The following RBFOX2 variants were observed in gnomAD, a reference collection of about 807,000 sequenced individuals.
RBFOX2 encodes the protein RNA binding protein fox-1 homolog 2.
RBFOX2 carries 10 observed loss-of-function variants against 49.1 expected under a neutral mutation model. The observed-to-expected ratio is 0.20, with a 90% CI of 0.13 to 0.35. The LOEUF is 0.35. Among genes scored for constraint, RBFOX2 ranks in the 10% least tolerant of loss-of-function variants. The probability of loss-of-function intolerance (pLI) is 1.00; values close to 1 mark genes in which losing one functional copy is unlikely to be tolerated. For missense variants in RBFOX2, 323 were observed against 486.9 expected (o/e 0.66, Z 3.17); for synonymous variants, 183 against 187.4 (o/e 0.98, Z 0.19).
At chr22:35,910,246 A>G (rs1421082934) in intron 1 of RBFOX2, among the ~76,000 whole-genome samples, 1 of 152,194 alleles carries the variant, frequency 6.6e-6, no homozygotes. Context: ...GTGTTATTCA[A>G]TTCATTATAT....
intron 9 of RBFOX2, among the ~76,000 whole-genome samples, chr22:35,758,636 C>T (rs1256477809): frequency 6.6e-6 from 1 of 152,158 alleles, no homozygotes; most frequent in East Asian, 1.9e-4. Context: ...TAAGTAATGG[C>T]ATAAGATGGA....
At chr22:35,861,746 ACACAC>A (rs1468327731) in intron 1 of RBFOX2, among the ~76,000 whole-genome samples, 5 of 152,214 alleles carry the variant, frequency 3.3e-5, no homozygotes, top group Non-Finnish European at 7.3e-5. Flanking sequence ...AAATTCAAAC[ACACAC>A]CTACCATATG....
At chr22:35,990,398 A>G (rs751854769) in intron 1 of RBFOX2, among the ~76,000 whole-genome samples, 1 of 152,342 alleles carries the variant, frequency 6.6e-6, no homozygotes, top group African/African-American at 2.4e-5. Flanking sequence ...GGGAGCAAAG[A>G]CAGGGGAGTT....
At chr22:35,770,416 C>G (rs1450389786) in intron 4 of RBFOX2, among the ~76,000 whole-genome samples, 1 of 152,062 alleles carries the variant, frequency 6.6e-6, no homozygotes, top group Non-Finnish European at 1.5e-5. Context: ...ATGACTATAT[C>G]TACACACCCA....
chr22:36,028,553 T>A (rs967172840), exon 1 of RBFOX2: 8 of 861,864 alleles, frequency 9.3e-6, no homozygotes, highest in Non-Finnish European at 1.1e-5. Flanking sequence ...CGTGCGTGCG[T>A]GCGCGCGAGC....
chr22:35,866,368 ATATTT>A (rs544858843), intron 1 of RBFOX2, among the ~76,000 whole-genome samples: 10 of 152,204 alleles, frequency 6.6e-5, no homozygotes, highest in Non-Finnish European at 1.3e-4. Context: ...AAACTCATTT[ATATTT>A]ATTAATTTCA....
At chr22:36,006,788 C>T (rs181775733) in intron 1 of RBFOX2, among the ~76,000 whole-genome samples, 3 of 152,322 alleles carry the variant, frequency 2.0e-5, no homozygotes, top group African/African-American at 7.2e-5. Flanking sequence ...TACGCAGCAA[C>T]AGCTTCTGCA....
At chr22:35,904,749 C>T (rs2048944056) in intron 1 of RBFOX2, among the ~76,000 whole-genome samples, 1 of 152,188 alleles carries the variant, frequency 6.6e-6, no homozygotes, top group African/African-American at 2.4e-5. Context: ...AAGCTCTCCT[C>T]TAATCAAGCT....
At chr22:35,892,963 G>A (rs771854635) in intron 1 of RBFOX2, among the ~76,000 whole-genome samples, 20 of 152,160 alleles carry the variant, frequency 1.3e-4, no homozygotes, top group Admixed American at 3.3e-4. Context: ...GACCACCAAG[G>A]CTTCCTTCTA....
At chr22:36,015,820 T>C (rs1341496897) in intron 1 of RBFOX2, among the ~76,000 whole-genome samples, 1 of 152,024 alleles carries the variant, frequency 6.6e-6, no homozygotes, top group Non-Finnish European at 1.5e-5. Flanking sequence ...TTACTTACCC[T>C]CCCAAGAATT....
At chr22:35,931,653 C>T (rs897996773) in intron 1 of RBFOX2, among the ~76,000 whole-genome samples, 3 of 152,122 alleles carry the variant, frequency 2.0e-5, no homozygotes, top group East Asian at 1.9e-4. Context: ...TGCACACCTG[C>T]GGTCCCAGCT....
At chr22:36,009,698 C>T (rs2146350956) in intron 1 of RBFOX2, among the ~76,000 whole-genome samples, 1 of 152,166 alleles carries the variant, frequency 6.6e-6, no homozygotes, top group South Asian at 2.1e-4. Flanking sequence ...CAGAAAGGGC[C>T]CTCTTAACCA....
chr22:35,967,142 G>A (rs1051459096), intron 1 of RBFOX2, among the ~76,000 whole-genome samples: 2 of 152,148 alleles, frequency 1.3e-5, no homozygotes, highest in Admixed American at 6.5e-5. Context: ...TCTTAATGGC[G>A]TCTTTTAATG....
At chr22:35,769,008 T>C (rs759582286) in intron 4 of RBFOX2, among the ~76,000 whole-genome samples, 1 of 152,196 alleles carries the variant, frequency 6.6e-6, no homozygotes, top group Non-Finnish European at 1.5e-5. Flanking sequence ...CAAATAAAAA[T>C]ATCACTAAGC....
intron 4 of RBFOX2, among the ~76,000 whole-genome samples, chr22:35,771,117 T>C (rs1313987982): frequency 6.6e-6 from 1 of 152,162 alleles, no homozygotes; most frequent in Non-Finnish European, 1.5e-5. Context: ...CACATCCTAA[T>C]CCCCAGAGCC....
intron 1 of RBFOX2, chr22:35,961,534 AC>A (rs745397327): frequency 2.3e-6 from 3 of 1,300,612 alleles, no homozygotes; most frequent in Middle Eastern, 2.1e-4. Flanking sequence ...CCACTCCACC[AC>A]CCCCCACACA....
chr22:35,740,141 A>G (rs544025544), exon 12 of RBFOX2: 23 of 152,272 alleles, frequency 1.5e-4, no homozygotes, highest in African/African-American at 5.3e-4. Flanking sequence ...GGTGCCAGGG[A>G]CTCTATTACA....
At chr22:35,767,923 G>C (rs1160013273) in intron 5 of RBFOX2, among the ~76,000 whole-genome samples, 1 of 152,098 alleles carries the variant, frequency 6.6e-6, no homozygotes, top group Admixed American at 6.5e-5. Flanking sequence ...CAGGAATTCA[G>C]AGTATTGCAA....
intron 1 of RBFOX2, among the ~76,000 whole-genome samples, chr22:36,013,912 A>G (rs1471242571): frequency 1.3e-5 from 2 of 152,142 alleles, no homozygotes; most frequent in African/African-American, 2.4e-5. Context: ...TTATGAATTT[A>G]GAGTTAGGAA....
Sources: allele counts gnomAD v4.1 joint callset (sites outside exome capture counted in the v4.1 genomes callset), GRCh38; gene constraint gnomAD v4.1.1; transcripts MANE v1.5; gene names NCBI Gene and HGNC (gene_info 2026-07-23, HGNC 2026-07-21).